The following PHLDB2 variants were observed in gnomAD, a reference collection of about 807,000 sequenced individuals.
PHLDB2 encodes pleckstrin homology-like domain family B member 2.
Under a neutral mutation model 123.6 loss-of-function variants are expected in PHLDB2, and 71 were observed. The observed-to-expected ratio is 0.57, with a 90% CI of 0.47 to 0.70. The LOEUF is 0.70. PHLDB2 is among the 30% of genes least tolerant of loss of function. PHLDB2 has a pLI of 0.00. For missense variants in PHLDB2, 1,446 were observed against 1,519.5 expected (o/e 0.95, Z 0.80); for synonymous variants, 547 against 541.6 (o/e 1.01, Z -0.14).
intron 1 of PHLDB2, among the ~76,000 whole-genome samples, chr3:111,752,734 G>C (rs538607869): frequency 6.6e-6 from 1 of 151,864 alleles, no homozygotes; most frequent in Non-Finnish European, 1.5e-5. Context: ...CGCCATGCTG[G>C]TGTGCTGCAC....
Position 111,756,279 on chromosome 3 carries a change from G to T in PHLDB2, c.-49+23576G>T, listed in dbSNP as rs537533233. Among the ~76,000 whole-genome samples the T allele has an allele frequency of 5.0e-3, 762 of 151,802 alleles. 4 individuals carry two copies. The highest frequency in any genetic ancestry group is 9.0e-3 in the Admixed American group (138 of 15,258). On this transcript the variant is annotated intron_variant, in intron 1 of 17. Transcript: ENST00000393923. ...TGTTAAAGTCTCCCATTATTATTGTGTGGGAGTCTAAGTCTCTTTGTAGGT... is the reference window on the plus strand; with the variant it reads ...TGTTAAAGTCTCCCATTATTATTGTTTGGGAGTCTAAGTCTCTTTGTAGGT...
intron 1 of PHLDB2, among the ~76,000 whole-genome samples, chr3:111,777,742 G>A (rs1039761938): frequency 6.6e-6 from 1 of 152,034 alleles, no homozygotes; most frequent in Non-Finnish European, 1.5e-5. Context: ...AAAAGAATTA[G>A]CAGTCCTATC....
At chr3:111,770,346 G>A (rs1189992883) in intron 1 of PHLDB2, among the ~76,000 whole-genome samples, 1 of 152,144 alleles carries the variant, frequency 6.6e-6, no homozygotes, top group East Asian at 1.9e-4. Context: ...TCTGATGTGT[G>A]TATTTCCCTT....
At chr3:111,896,007 C>T (rs937422379) in intron 2 of PHLDB2, among the ~76,000 whole-genome samples, 1 of 151,908 alleles carries the variant, frequency 6.6e-6, no homozygotes, top group African/African-American at 2.4e-5. Context: ...ATTTATTATT[C>T]TTTTTTTGAG....
chr3:111,784,685 T>C (rs1396343693), intron 1 of PHLDB2, among the ~76,000 whole-genome samples: 1 of 152,218 alleles, frequency 6.6e-6, no homozygotes, highest in Non-Finnish European at 1.5e-5. Context: ...GTGTTTGTGC[T>C]GTGTTAATTC....
chr3:111,816,237 T>C (rs939692474), intron 1 of PHLDB2, among the ~76,000 whole-genome samples: 15 of 152,186 alleles, frequency 9.9e-5, no homozygotes, highest in Non-Finnish European at 1.3e-4. Flanking sequence ...AGGCACTGCC[T>C]AGTGGAGCTG....
intron 1 of PHLDB2, among the ~76,000 whole-genome samples, chr3:111,882,128 A>G (rs2065961607): frequency 6.6e-6 from 1 of 152,174 alleles, no homozygotes; most frequent in Admixed American, 6.5e-5. Flanking sequence ...ATATTCTCTC[A>G]TGATGTATTA....
chr3:111,900,559 T>G (rs1220516295), intron 2 of PHLDB2, among the ~76,000 whole-genome samples: 3 of 152,228 alleles, frequency 2.0e-5, no homozygotes, highest in Admixed American at 2.0e-4. Flanking sequence ...TAATTAAGTT[T>G]GCTGTCTTAT....
Position 111,913,397 on chromosome 3 carries a change from A to G in PHLDB2, c.1414A>G (p.Thr472Ala), listed in dbSNP as rs1220530859. Reference protein sequence around the residue: ...KPDSRLSTGTTVEDVQKINKE... With the variant: ...KPDSRLSTGTAVEDVQKINKE... ...TGACAGTCGCTTATCTACTGGGACC[A>G]CCGTGGAAGATGTGCAGAAAATCAA... Residue 472 changes from threonine (T) to alanine (A), a missense_variant, in exon 3 of 18, where the codon ACC becomes GCC. Thr to Ala is a moderately conservative substitution (Grantham distance 58, BLOSUM62 0). Transcript: ENST00000431670. 1.2e-6 allele frequency: 2 copies of G among 1,614,002 alleles called. No individual in the cohort carries two copies. Among genetic ancestry groups the G allele is most frequent in the African/African-American group, 1.3e-5 (1 of 74,908 alleles).
chr3:111,830,850 T>C (rs558181213), intron 1 of PHLDB2, among the ~76,000 whole-genome samples: 2 of 140,328 alleles, frequency 1.4e-5, no homozygotes, highest in Non-Finnish European at 3.0e-5. Context: ...CATCCCAGAG[T>C]CTAAGCATAT....
chr3:111,735,650 C>G (rs1324852558), intron 1 of PHLDB2, among the ~76,000 whole-genome samples: 1 of 152,242 alleles, frequency 6.6e-6, no homozygotes, highest in Admixed American at 6.5e-5. Context: ...CTTGCATGAA[C>G]TGTACTTACA....
chr3:111,829,859 T>C (rs952968156), intron 1 of PHLDB2, among the ~76,000 whole-genome samples: 8 of 150,296 alleles, frequency 5.3e-5, no homozygotes, highest in African/African-American at 1.8e-4. Flanking sequence ...CTCACAATAC[T>C]TTTTTTTGTT....
intron 1 of PHLDB2, among the ~76,000 whole-genome samples, chr3:111,875,972 A>G (rs574581043): frequency 2.0e-5 from 3 of 152,224 alleles, no homozygotes; most frequent in South Asian, 4.1e-4. Flanking sequence ...ATGAACTAGT[A>G]TGAGAGAGGT....
chr3:111,827,402 G>A (rs1023310309), intron 1 of PHLDB2, among the ~76,000 whole-genome samples: 22 of 152,186 alleles, frequency 1.4e-4, no homozygotes, highest in African/African-American at 5.3e-4. Flanking sequence ...CAGGCCGGGC[G>A]CGGTAGCTCA....
upstream of PHLDB2, among the ~76,000 whole-genome samples, chr3:111,856,148 G>C (rs868435149): frequency 6.6e-6 from 1 of 152,102 alleles, no homozygotes; most frequent in African/African-American, 2.4e-5. Flanking sequence ...TGAATAAAAT[G>C]ACTCCCTTTG....
At chr3:111,735,983 T>C (rs1013988799) in intron 1 of PHLDB2, among the ~76,000 whole-genome samples, 6 of 152,192 alleles carry the variant, frequency 3.9e-5, no homozygotes, top group Non-Finnish European at 5.9e-5. Context: ...GTAAAAAAAG[T>C]TCTTTCTAAA....
intron 1 of PHLDB2, among the ~76,000 whole-genome samples, chr3:111,777,231 A>G (rs754800480): frequency 4.8e-4 from 73 of 152,300 alleles, no homozygotes; most frequent in Non-Finnish European, 3.5e-4. Flanking sequence ...CAAAATGTCA[A>G]AACAGATTAC....
intron 1 of PHLDB2, among the ~76,000 whole-genome samples, chr3:111,831,019 AAG>A (rs1261784475): frequency 8.3e-6 from 1 of 120,834 alleles, no homozygotes; most frequent in African/African-American, 3.0e-5. Flanking sequence ...GAAAGAAAGA[AAG>A]AAAGAAAGAA....
chr3:111,973,783 A>G lies in PHLDB2; in HGVS notation c.3587A>G (p.Glu1196Gly), dbSNP rs1360216106. The G allele has an allele frequency of 1.2e-6, 2 of 1,603,420 alleles. No homozygotes were observed. Among genetic ancestry groups the G allele is most frequent in the East Asian group, 4.5e-5 (2 of 44,732 alleles). The change falls in exon 17 of 18, where the codon GAA (glutamate) becomes GGA (glycine). Residue 1196 changes from glutamate (E) to glycine (G), a missense_variant. By Grantham distance (98) the Glu-to-Gly change is moderately conservative (BLOSUM62 -2). Coordinates refer to ENST00000431670, the MANE Select transcript of PHLDB2 (RefSeq NM_001134438.2). Reference protein sequence around the residue: ...KGVIYFQAIEEVYYDHLKNAN... With the variant: ...KGVIYFQAIEGVYYDHLKNAN... ...GTAATATACTTTCAAGCCATTGAAGAAGTCTATTATGATCACCTCAAGAAT... is the reference window on the plus strand; with the variant it reads ...GTAATATACTTTCAAGCCATTGAAGGAGTCTATTATGATCACCTCAAGAAT...
Sources: allele counts gnomAD v4.1 joint callset (sites outside exome capture counted in the v4.1 genomes callset), GRCh38; gene constraint gnomAD v4.1.1; transcripts MANE v1.5; gene names NCBI Gene and HGNC (gene_info 2026-07-23, HGNC 2026-07-21).